The following SEMA6D variants were observed in gnomAD, a reference collection of about 807,000 sequenced individuals.
SEMA6D encodes semaphorin-6D.
SEMA6D carries 35 observed loss-of-function variants against 106.6 expected under a neutral mutation model. The observed-to-expected ratio is 0.33, with a 90% confidence interval of 0.25 to 0.44. The LOEUF is 0.44. SEMA6D is among the 20% of genes least tolerant of loss of function. The pLI, the probability that SEMA6D is intolerant of heterozygous loss-of-function variation, is 1.00. For missense variants in SEMA6D, 1,185 were observed against 1,345.9 expected (o/e 0.88, Z 1.87); for synonymous variants, 499 against 487.7 (o/e 1.02, Z -0.31).
At chr15:47,314,991 G>T (rs533154317) in intron 1 of SEMA6D, among the ~76,000 whole-genome samples, 84 of 149,460 alleles carry the variant, frequency 5.6e-4, no homozygotes, top group African/African-American at 2.0e-3. Context: ...TCAGCCTCCC[G>T]AGTAGCTGGG....
rs544759062 is a variant in SEMA6D at position 47,518,583 on chromosome 15, T to G, written c.-87+48038T>G. Among the ~76,000 whole-genome samples the G allele has an allele frequency of 3.3e-5, 5 of 152,290 alleles. No homozygotes were observed. In the East Asian group the frequency reaches 9.7e-4, roughly 29 times the overall value. On this transcript the variant is annotated intron_variant, in intron 3 of 19. Transcript: ENST00000558014. ...ATTGCAGGCAGTTTTAGAACAACGG[T>G]AAGTATTTATATATCTAAATATACC...
At chr15:47,724,636 C>G (rs1242187673) in intron 1 of SEMA6D, among the ~76,000 whole-genome samples, 1 of 150,128 alleles carries the variant, frequency 6.7e-6, no homozygotes, top group Admixed American at 6.7e-5. Context: ...GGCAAAAGCC[C>G]AGGGGTGGGG....
intron 1 of SEMA6D, among the ~76,000 whole-genome samples, chr15:47,285,685 A>G (rs879501474): frequency 3.3e-5 from 5 of 152,196 alleles, no homozygotes; most frequent in Non-Finnish European, 7.3e-5. Flanking sequence ...AAAAAACGTC[A>G]CTTACTGTGA....
intron 3 of SEMA6D, among the ~76,000 whole-genome samples, chr15:47,549,734 A>G (rs1348522705): frequency 6.6e-6 from 1 of 152,186 alleles, no homozygotes; most frequent in Non-Finnish European, 1.5e-5. Flanking sequence ...AGTTGTTGAA[A>G]TGAAGATGAT....
intron 1 of SEMA6D, among the ~76,000 whole-genome samples, chr15:47,725,267 T>C (rs1377503465): frequency 6.6e-6 from 1 of 152,194 alleles, no homozygotes. Flanking sequence ...TGACACATAG[T>C]AGATATGCAG....
chr15:47,201,090 G>C (rs1232120607), intron 1 of SEMA6D, among the ~76,000 whole-genome samples: 2 of 152,132 alleles, frequency 1.3e-5, no homozygotes, highest in African/African-American at 2.4e-5. Context: ...TTAGTAGAAA[G>C]CTTGTGTGTG....
chr15:47,357,087 C>G (rs1015621737), intron 1 of SEMA6D, among the ~76,000 whole-genome samples: 1 of 151,838 alleles, frequency 6.6e-6, no homozygotes, highest in African/African-American at 2.4e-5. Flanking sequence ...GTAATCCCAG[C>G]ACTTTGGGAG....
chr15:47,258,231 G>A (rs2033905836), intron 1 of SEMA6D, among the ~76,000 whole-genome samples: 1 of 152,014 alleles, frequency 6.6e-6, no homozygotes, highest in Non-Finnish European at 1.5e-5. Flanking sequence ...TTTTTGATGG[G>A]TGTGCTTAGA....
Position 47,188,248 on chromosome 15 carries a change from C to G in SEMA6D, c.-239+3830C>G, listed in dbSNP as rs117080851. On this transcript the variant is annotated intron_variant, in intron 1 of 19. Transcript: ENST00000558014. Reference sequence around the variant, plus strand: ...TCATAACTAAATGCAACTAGAAACACATTGATTAAGTGATTCAAATAAGCC... The same window carrying G: ...TCATAACTAAATGCAACTAGAAACAGATTGATTAAGTGATTCAAATAAGCC... Among the ~76,000 whole-genome samples the G allele has an allele frequency of 5.0e-3, 760 of 152,260 alleles. 4 individuals carry two copies. The highest frequency in any genetic ancestry group is 8.0e-3 in the Non-Finnish European group (541 of 67,996).
At chr15:47,499,832 C>T (rs2043790136) in intron 3 of SEMA6D, among the ~76,000 whole-genome samples, 1 of 151,960 alleles carries the variant, frequency 6.6e-6, no homozygotes, top group African/African-American at 2.4e-5. Flanking sequence ...ACCAGGCTCA[C>T]AGATGGTGGT....
intron 1 of SEMA6D, among the ~76,000 whole-genome samples, chr15:47,294,651 C>T (rs1265263126): frequency 2.0e-5 from 3 of 152,196 alleles, no homozygotes; most frequent in African/African-American, 7.2e-5. Flanking sequence ...ATGATTCTGT[C>T]TTGCACAGAA....
At chr15:47,547,342 G>C (rs774772124) in intron 3 of SEMA6D, among the ~76,000 whole-genome samples, 1 of 152,114 alleles carries the variant, frequency 6.6e-6, no homozygotes, top group Non-Finnish European at 1.5e-5. Flanking sequence ...GAAAATTGTT[G>C]TGAGGCTTAA....
intron 1 of SEMA6D, among the ~76,000 whole-genome samples, chr15:47,387,404 T>C (rs1225705348): frequency 6.6e-6 from 1 of 152,220 alleles, no homozygotes; most frequent in African/African-American, 2.4e-5. Flanking sequence ...AACCCTGGAT[T>C]TGCCCATTAC....
chr15:47,771,653 C>T lies in SEMA6D; in HGVS notation c.3090C>T (p.Ser1030=). ...AGCCTTCCCTCTCCAGACAGAGCAG[C>T]TACACCAGTAATGGCACTCTTCCTA... ...HLQPSLSRQS[S]YTSNGTLPRT... is the part of the protein sequence containing the mutation. Residue 1030 remains serine, a synonymous_variant, in exon 19 of 19, where the codon AGC becomes AGT. Transcript: ENST00000536845. 5 of 1,614,132 alleles carry T rather than the reference C, an allele frequency of 3.1e-6. No homozygotes were observed. Among genetic ancestry groups the T allele is most frequent in the Non-Finnish European group, 4.2e-6 (5 of 1,179,982 alleles).
rs147478526 is a variant in SEMA6D, at chr15:47,585,842, A to G, written c.-86-15023A>G. Among the ~76,000 whole-genome samples, 37 of 152,340 alleles carry G rather than the reference A, an allele frequency of 2.4e-4. No individual in the cohort carries two copies. In the East Asian group the frequency reaches 6.8e-3, roughly 28 times the overall value. Reference sequence around the variant, plus strand: ...TATATATGCCAAAGCTCGAGTTGAGAAAAGTTTAGAAACTTGCTCAGATTT... The same window carrying G: ...TATATATGCCAAAGCTCGAGTTGAGGAAAGTTTAGAAACTTGCTCAGATTT... On this transcript the variant is annotated intron_variant, in intron 3 of 19. Transcript: ENST00000558014.
chr15:47,609,459 C>G (rs2076849790), intron 4 of SEMA6D, among the ~76,000 whole-genome samples: 1 of 152,096 alleles, frequency 6.6e-6, no homozygotes, highest in East Asian at 1.9e-4. Context: ...TTTTCAGTGG[C>G]CAGTTTTTTC....
chr15:47,194,447 G>A lies in SEMA6D; in HGVS notation c.-239+10029G>A, dbSNP rs1350910637. On this transcript the variant is annotated intron_variant, in intron 1 of 19. Coordinates refer to the SEMA6D transcript ENST00000558014. ...GGCCAGGACAGACCTATGGGAAATT[G>A]CGTGTGGGGGCTAGGGAGTGGGCAG... Among the ~76,000 whole-genome samples the A allele has an allele frequency of 2.6e-5, 4 of 152,180 alleles. No individual in the cohort carries two copies. In the East Asian group the frequency reaches 7.8e-4, roughly 30 times the overall value.
At chr15:47,721,535 A>G (rs2079423409) in intron 1 of SEMA6D, among the ~76,000 whole-genome samples, 1 of 152,228 alleles carries the variant, frequency 6.6e-6, no homozygotes, top group Non-Finnish European at 1.5e-5. Context: ...TAAAAATCAC[A>G]TAACTATTTT....
At chr15:47,351,600 A>G (rs1384227807) in intron 1 of SEMA6D, among the ~76,000 whole-genome samples, 1 of 152,120 alleles carries the variant, frequency 6.6e-6, no homozygotes, top group Non-Finnish European at 1.5e-5. Context: ...TTCCTAACAA[A>G]TAGGCTAGAC....
Sources: allele counts gnomAD v4.1 joint callset (sites outside exome capture counted in the v4.1 genomes callset), GRCh38; gene constraint gnomAD v4.1.1; transcripts MANE v1.5; gene names NCBI Gene and HGNC (gene_info 2026-07-23, HGNC 2026-07-21).